The following ZNF285 variants were observed in gnomAD, a reference collection of about 807,000 sequenced individuals.
ZNF285 encodes zinc finger protein 285, also known as zinc finger protein 285A.
ZNF285 carries 4 observed loss-of-function variants against 6.2 expected under a neutral mutation model. The ratio of observed to expected loss-of-function variants is 0.65; its 90% CI spans 0.32 to 1.49. ZNF285 has a LOEUF of 1.49. ZNF285 is among the 40% of genes most tolerant of loss of function. The pLI, the probability that ZNF285 is intolerant of heterozygous loss-of-function variation, is 0.07. For missense variants in ZNF285, 695 were observed against 708.8 expected (o/e 0.98, Z 0.22); for synonymous variants, 240 against 245.8 (o/e 0.98, Z 0.22).
At position 44,387,808 on chromosome 19, in the gene ZNF285, G is replaced by T. The variant is rs372780405; in HGVS notation, c.437C>A (p.Thr146Asn). The T allele has an allele frequency of 6.2e-7, 1 of 1,613,876 alleles. No individual in the cohort carries two copies. Among genetic ancestry groups the T allele is most frequent in the Non-Finnish European group, 8.5e-7 (1 of 1,179,850 alleles). Residue 146 changes from threonine (T) to asparagine (N), a missense_variant, in exon 4 of 4, where the codon ACC (threonine) becomes AAC (asparagine). Thr to Asn is a moderately conservative substitution (Grantham distance 65, BLOSUM62 0). Coordinates refer to ENST00000614994, the MANE Select transcript of ZNF285 (RefSeq NM_152354.6). ...TAWQSLTQVL[T>N]PESWRKANIM... is the part of the protein sequence containing the mutation. Reference sequence around the variant, plus strand: ...GTTGGCTTTCCTCCACGATTCTGGGGTAAGAACCTGTGTCAGGCTTTGCCA... The same window carrying T: ...GTTGGCTTTCCTCCACGATTCTGGGTTAAGAACCTGTGTCAGGCTTTGCCA...
Position 44,382,785 on chromosome 19 carries a change from C to T in ZNF285, c.*3687G>A, listed in dbSNP as rs1261462516. ...AAATTGACTATGCAGGTAATCTGGA[C>T]TACTTAACTAAAGCAGACAATCTGG... On this transcript the variant is annotated 3_prime_UTR_variant, in exon 4 of 4. Coordinates refer to ENST00000614994, the MANE Select transcript of ZNF285 (RefSeq NM_152354.6). 1 of 152,144 alleles carries T rather than the reference C, an allele frequency of 6.6e-6. No individual in the cohort carries two copies. Among genetic ancestry groups the T allele is most frequent in the Non-Finnish European group, 1.5e-5 (1 of 68,022 alleles). The allele number at this position is 152,144 out of a possible 1,614,324, so 9.4% of individuals were successfully genotyped here.
rs1307536485 is a variant in ZNF285, at chr19:44,387,859, A to G, written c.386T>C (p.Ile129Thr). ...TGCTGTGATATCTTGATTTTTGATAATGGCATTTACTACATAGTTTTCATT... is the reference window on the plus strand; with the variant it reads ...TGCTGTGATATCTTGATTTTTGATAGTGGCATTTACTACATAGTTTTCATT... ...SENENYVVNA[I>T]IKNQDITAWQ... Residue 129 changes from isoleucine (I) to threonine (T), a missense_variant, in exon 4 of 4, where the codon ATT (isoleucine) becomes ACT (threonine). Transcript: ENST00000614994. 6.8e-6 allele frequency: 11 copies of G among 1,613,824 alleles called. No homozygotes were observed. Among genetic ancestry groups the G allele is most frequent in the Non-Finnish European group, 9.3e-6 (11 of 1,179,866 alleles).
intron 3 of ZNF285, among the ~76,000 whole-genome samples, chr19:44,391,161 A>T (rs1971188748): frequency 6.6e-6 from 1 of 151,756 alleles, no homozygotes; most frequent in African/African-American, 2.4e-5. Context: ...TCAAAAAAAA[A>T]AAAAAAAGAT....
chr19:44,385,182 ATGT>A lies in ZNF285; in HGVS notation c.*1287_*1289del, dbSNP rs1409626376. On this transcript the variant is annotated 3_prime_UTR_variant, in exon 4 of 4. Transcript: ENST00000614994. ...GCAATGAACACTGTTGGTTTTTTACATGTTGTTGGTCACTTTAGTAAATGTTGA... is the reference window on the plus strand; with the variant it reads ...GCAATGAACACTGTTGGTTTTTTACATGTTGGTCACTTTAGTAAATGTTGA... The A allele has an allele frequency of 6.6e-6, 1 of 152,192 alleles. No individual in the cohort carries two copies. The highest frequency in any genetic ancestry group is 1.5e-5 in the Non-Finnish European group (1 of 68,030). The allele number at this position is 152,192 out of a possible 1,614,324, so 9.4% of individuals were successfully genotyped here. A position where few individuals can be genotyped will look rare whatever the true frequency, so the allele number is the denominator to read the frequency against.
chr19:44,386,407 A>C lies in ZNF285; in HGVS notation c.*65T>G. Reference sequence around the variant, plus strand: ...CCCCTAGCCCTCCCACAGGCTGAGTAAGCCTCTATCATCTGGAATACAGTG... The same window carrying C: ...CCCCTAGCCCTCCCACAGGCTGAGTCAGCCTCTATCATCTGGAATACAGTG... On this transcript the variant is annotated 3_prime_UTR_variant, in exon 4 of 4. Coordinates refer to ENST00000614994, the MANE Select transcript of ZNF285 (RefSeq NM_152354.6). The C allele has an allele frequency of 6.6e-7, 1 of 1,526,266 alleles. No individual in the cohort carries two copies. Among genetic ancestry groups the C allele is most frequent in the East Asian group, 2.3e-5 (1 of 43,928 alleles). The allele number at this position is 1,526,266 out of a possible 1,614,324, so 94.5% of individuals were successfully genotyped here.
At chr19:44,394,500 A>C (rs1971248482) in intron 2 of ZNF285, 1 of 521,344 alleles carries the variant, frequency 1.9e-6, no homozygotes, top group Non-Finnish European at 3.4e-6. Flanking sequence ...CGCAACACAT[A>C]ATTTACCCAC....
intron 2 of ZNF285, chr19:44,396,870 G>A (rs1971289274): frequency 3.0e-6 from 1 of 331,116 alleles, no homozygotes; most frequent in Non-Finnish European, 5.5e-6. Flanking sequence ...GCACTCGGAT[G>A]CTGCGGCAAC....
rs531295989 is a variant in ZNF285, at chr19:44,398,817, A to T, written c.-43-1561T>A. 5.9e-5 allele frequency among the ~76,000 whole-genome samples: 9 copies of T among 152,216 alleles called. No homozygotes were observed. In the South Asian group the frequency reaches 1.9e-3, roughly 32 times the overall value. On this transcript the variant is annotated intron_variant, in intron 1 of 3. Transcript: ENST00000614994. ...TTGCCACTTTAAGCACTGTGGAAAC[A>T]CCGAAGATTAAAAAACAAAAGCCCA...
chr19:44,387,039 G>A lies in ZNF285; in HGVS notation c.1206C>T (p.Cys402=). ...RVHTGEKPYK[C]SECGKCFSSS... is the part of the protein sequence containing the mutation. The stretch of plus-strand genomic sequence containing the variant: ...AACTAAAGCACTTGCCACACTCACT[G>A]CATTTGTAGGGCTTCTCTCCAGTGT... Residue 402 remains cysteine, a synonymous_variant, in exon 4 of 4, where the codon TGC becomes TGT. Coordinates refer to ENST00000614994, the MANE Select transcript of ZNF285 (RefSeq NM_152354.6). 6.2e-7 allele frequency: 1 copy of A among 1,614,112 alleles called. No homozygotes were observed. Among genetic ancestry groups the A allele is most frequent in the Non-Finnish European group, 8.5e-7 (1 of 1,180,020 alleles).
At chr19:44,391,418 T>C (rs1377957304) in intron 3 of ZNF285, among the ~76,000 whole-genome samples, 1 of 152,026 alleles carries the variant, frequency 6.6e-6, no homozygotes, top group South Asian at 2.1e-4. Context: ...AATGAAGACA[T>C]ACCCAAGACT....
rs376945458 is a variant in ZNF285, at chr19:44,387,160, T to A, written c.1085A>T (p.His362Leu). Residue 362 changes from histidine (H) to leucine (L), a missense_variant, in exon 4 of 4, where the codon CAT becomes CTT. By Grantham distance (99) the His-to-Leu change is moderately conservative. Coordinates refer to ENST00000614994, the MANE Select transcript of ZNF285 (RefSeq NM_152354.6). ...GFGFRSLLCIHQGVHTGKKPY... is the reference protein window; with the variant it reads ...GFGFRSLLCILQGVHTGKKPY... Reference sequence around the variant, plus strand: ...CTTTTTCCCTGTGTGTACTCCCTGATGAATACAAAGAAGTGACCTAAATCC... The same window carrying A: ...CTTTTTCCCTGTGTGTACTCCCTGAAGAATACAAAGAAGTGACCTAAATCC... The A allele has an allele frequency of 7.4e-6, 12 of 1,614,142 alleles. No homozygotes were observed. The highest frequency in any genetic ancestry group is 1.3e-5 in the African/African-American group (1 of 75,042).
At chr19:44,398,368 T>C (rs1399180465) in intron 1 of ZNF285, among the ~76,000 whole-genome samples, 1 of 152,098 alleles carries the variant, frequency 6.6e-6, no homozygotes, top group East Asian at 1.9e-4. Flanking sequence ...GTTCAGCCAA[T>C]GGGGAAAGCC....
intron 2 of ZNF285, among the ~76,000 whole-genome samples, chr19:44,394,198 G>A (rs1971242048): frequency 6.6e-6 from 1 of 151,960 alleles, no homozygotes; most frequent in South Asian, 2.1e-4. Flanking sequence ...ACTCATAGGT[G>A]GGAATTGAAC....
chr19:44,396,157 G>C (rs959626098), intron 2 of ZNF285, among the ~76,000 whole-genome samples: 8 of 152,064 alleles, frequency 5.3e-5, no homozygotes, highest in African/African-American at 1.5e-4. Flanking sequence ...GATATGCTCA[G>C]AGAAAAACCA....
chr19:44,387,683 T>C lies in ZNF285; in HGVS notation c.562A>G (p.Thr188Ala), dbSNP rs1211788711. 1 of 1,613,836 alleles carries C rather than the reference T, an allele frequency of 6.2e-7. No homozygotes were observed. Among genetic ancestry groups the C allele is most frequent in the Admixed American group, 1.7e-5 (1 of 59,978 alleles). ...RAQHDDSLSW[T>A]SCDHHESQEC... Reference sequence around the variant, plus strand: ...TGGGACTCATGATGATCACATGAGGTCCAACTGAGGCTGTCATCATGCTGA... The same window carrying C: ...TGGGACTCATGATGATCACATGAGGCCCAACTGAGGCTGTCATCATGCTGA... The change falls in exon 4 of 4, where the codon ACC becomes GCC. Residue 188 changes from threonine to alanine, a missense_variant. Thr to Ala is a moderately conservative substitution (Grantham distance 58). Transcript: ENST00000614994.
chr19:44,386,797 G>A lies in ZNF285; in HGVS notation c.1448C>T (p.Pro483Leu). The change falls in exon 4 of 4, where the codon CCA becomes CTA. Residue 483 changes from proline to leucine, a missense_variant. Transcript: ENST00000614994. ...THQRVHTGEKPYKCEVCGKCF... is the reference protein window; with the variant it reads ...THQRVHTGEKLYKCEVCGKCF... ...CTTTCCACACACTTCACATTTATATGGTTTTTCTCCAGTGTGAACTCTCTG... is the reference window on the plus strand; with the variant it reads ...CTTTCCACACACTTCACATTTATATAGTTTTTCTCCAGTGTGAACTCTCTG... 1 of 1,614,198 alleles carries A rather than the reference G, an allele frequency of 6.2e-7. No individual in the cohort carries two copies. The highest frequency in any genetic ancestry group is 1.1e-5 in the South Asian group (1 of 91,082).
At chr19:44,398,448 T>C (rs2123290437) in intron 1 of ZNF285, among the ~76,000 whole-genome samples, 1 of 152,268 alleles carries the variant, frequency 6.6e-6, no homozygotes, top group South Asian at 2.1e-4. Context: ...TCCCTAGAGG[T>C]TGCTGTGGAA....
intron 3 of ZNF285, among the ~76,000 whole-genome samples, chr19:44,391,970 G>T (rs921021955): frequency 9.9e-5 from 15 of 152,148 alleles, no homozygotes; most frequent in African/African-American, 2.7e-4. Flanking sequence ...ATAAACATTG[G>T]TTTTTTTCTC....
Position 44,386,310 on chromosome 19 carries a change from CCA to C in ZNF285, c.*160_*161del, listed in dbSNP as rs1186630741. The C allele has an allele frequency of 3.9e-6, 3 of 762,024 alleles. No individual in the cohort carries two copies. The highest frequency in any genetic ancestry group is 1.8e-5 in the African/African-American group (1 of 57,088). The allele number at this position is 762,024 out of a possible 1,614,324, so 47.2% of individuals were successfully genotyped here. A position where few individuals can be genotyped will look rare whatever the true frequency, so the allele number is the denominator to read the frequency against. On this transcript the variant is annotated 3_prime_UTR_variant, in exon 4 of 4. Transcript: ENST00000614994. Reference sequence around the variant, plus strand: ...GGAGCTTCACAGAAGTTCTTGAAATCCACAGTCCTTGCCTGGCACACTTCAGT... The same window carrying C: ...GGAGCTTCACAGAAGTTCTTGAAATCCAGTCCTTGCCTGGCACACTTCAGT...
Sources: allele counts gnomAD v4.1 joint callset (sites outside exome capture counted in the v4.1 genomes callset), GRCh38; gene constraint gnomAD v4.1.1; transcripts MANE v1.5; gene names NCBI Gene and HGNC (gene_info 2026-07-23, HGNC 2026-07-21).